UNC13C: variants seen among roughly 807,000 people sequenced by gnomAD.
The protein encoded by UNC13C is protein unc-13 homolog C.
Under a neutral mutation model 245.4 loss-of-function variants are expected in UNC13C, and 174 were observed. That is an observed-to-expected ratio of 0.71 (90% CI 0.63 to 0.80). UNC13C has a LOEUF of 0.80. Among genes scored for constraint, UNC13C ranks in the 30% least tolerant of loss-of-function variants. The pLI is 0.00. For missense variants in UNC13C, 2,829 were observed against 2,602.9 expected, an observed-to-expected ratio of 1.09 and a Z score of -1.89; for synonymous variants, 992 against 895.1, an observed-to-expected ratio of 1.11 and a Z score of -1.93.
At chr15:54,396,563 G>T (rs965554485) in intron 18 of UNC13C, among the ~76,000 whole-genome samples, 1 of 151,402 alleles carries the variant, frequency 6.6e-6, no homozygotes, top group Admixed American at 6.6e-5. Flanking sequence ...AGGTTGCTAT[G>T]AATATTTGTT....
chr15:54,560,723 A>G (rs1376738057), intron 29 of UNC13C, among the ~76,000 whole-genome samples: 3 of 151,978 alleles, frequency 2.0e-5, no homozygotes, highest in Admixed American at 1.3e-4. Context: ...GGGAAATTAT[A>G]CCACTAACAA....
chr15:53,930,721 A>G, the UNC13C span, among the ~76,000 whole-genome samples: 4 of 152,230 alleles, frequency 2.6e-5, no homozygotes, highest in Admixed American at 1.3e-4. Flanking sequence ...ATTATAATAT[A>G]CAAAATTTAA....
chr15:54,151,676 T>A (rs1375765920), intron 4 of UNC13C, among the ~76,000 whole-genome samples: 5 of 152,188 alleles, frequency 3.3e-5, no homozygotes, highest in Non-Finnish European at 7.4e-5. Context: ...AGTGCTGGGA[T>A]GATACGAGTG....
At chr15:54,350,118 A>G (rs1385579575) in intron 17 of UNC13C, among the ~76,000 whole-genome samples, 1 of 152,080 alleles carries the variant, frequency 6.6e-6, no homozygotes, top group African/African-American at 2.4e-5. Context: ...CAGCCTCCCA[A>G]GTAACTGGGA....
chr15:54,229,361 TG>T (rs1275001982), intron 4 of UNC13C, among the ~76,000 whole-genome samples: 1 of 152,214 alleles, frequency 6.6e-6, no homozygotes. Flanking sequence ...AGGTGTTTTT[TG>T]GTGGATGCTT....
chr15:54,191,621 C>T (rs547618512), intron 4 of UNC13C, among the ~76,000 whole-genome samples: 27 of 152,184 alleles, frequency 1.8e-4, no homozygotes, highest in African/African-American at 6.3e-4. Flanking sequence ...TTTGAGGAAT[C>T]GCCATACTGT....
intron 13 of UNC13C, among the ~76,000 whole-genome samples, chr15:54,304,899 T>C (rs2037686865): frequency 6.6e-6 from 1 of 152,044 alleles, no homozygotes; most frequent in African/African-American, 2.4e-5. Context: ...TTTATTGGTA[T>C]TCATTAGTTA....
intron 2 of UNC13C, among the ~76,000 whole-genome samples, chr15:54,038,124 A>ATT (rs58063301): frequency 0.012 from 553 of 45,014 alleles, 36 homozygotes; most frequent in Middle Eastern, 0.05. Flanking sequence ...ATATATATAT[A>ATT]TTTTTTTTTT....
chr15:53,873,619 A>G, the UNC13C span, among the ~76,000 whole-genome samples: 2 of 152,162 alleles, frequency 1.3e-5, no homozygotes, highest in African/African-American at 2.4e-5. Flanking sequence ...GTGGGAGAAG[A>G]TATCAGTTAC....
At chr15:54,417,752 G>T (rs1013640035) in intron 19 of UNC13C, among the ~76,000 whole-genome samples, 1 of 152,032 alleles carries the variant, frequency 6.6e-6, no homozygotes, top group African/African-American at 2.4e-5. Context: ...CACAAGCCTG[G>T]CATATAGTAG....
chr15:54,173,103 G>A (rs542459503), intron 4 of UNC13C, among the ~76,000 whole-genome samples: 1 of 151,874 alleles, frequency 6.6e-6, no homozygotes, highest in African/African-American at 2.4e-5. Flanking sequence ...TGATGATGCT[G>A]ATATCACATA....
chr15:54,023,497 T>A (rs1895984696), intron 2 of UNC13C, among the ~76,000 whole-genome samples: 1 of 152,198 alleles, frequency 6.6e-6, no homozygotes, highest in African/African-American at 2.4e-5. Context: ...GTTTTGTAAG[T>A]CTGGGGAGGT....
At chr15:53,970,786 A>T in the UNC13C span, among the ~76,000 whole-genome samples, 1 of 152,144 alleles carries the variant, frequency 6.6e-6, no homozygotes, top group Non-Finnish European at 1.5e-5. Context: ...GCACATGTTG[A>T]CCTATATAAT....
intron 24 of UNC13C, among the ~76,000 whole-genome samples, chr15:54,515,941 G>C (rs1208374058): frequency 6.6e-6 from 1 of 152,180 alleles, no homozygotes; most frequent in African/African-American, 2.4e-5. Context: ...AGGCAGAATA[G>C]AGCCAAGGAA....
At chr15:54,243,277 T>C (rs2035906448) in intron 7 of UNC13C, among the ~76,000 whole-genome samples, 1 of 152,174 alleles carries the variant, frequency 6.6e-6, no homozygotes, top group Non-Finnish European at 1.5e-5. Flanking sequence ...GGATGGTGGC[T>C]TCCAGCTCCA....
At chr15:53,942,119 G>A in the UNC13C span, among the ~76,000 whole-genome samples, 3 of 152,130 alleles carry the variant, frequency 2.0e-5, no homozygotes, top group Non-Finnish European at 4.4e-5. Flanking sequence ...GTTCATGACA[G>A]CACTATTCAC....
chr15:53,891,254 G>A, the UNC13C span, among the ~76,000 whole-genome samples: 2 of 152,078 alleles, frequency 1.3e-5, no homozygotes, highest in South Asian at 2.1e-4. Flanking sequence ...CCATTGTTTT[G>A]CATTTGCTGA....
At chr15:54,469,014 G>C (rs1892318751) in intron 19 of UNC13C, among the ~76,000 whole-genome samples, 2 of 151,488 alleles carry the variant, frequency 1.3e-5, no homozygotes, top group Non-Finnish European at 3.0e-5. Context: ...TGAATCTATA[G>C]ATTGATTTTA....
chr15:54,132,355 C>T (rs2031485141), intron 2 of UNC13C, among the ~76,000 whole-genome samples: 1 of 152,162 alleles, frequency 6.6e-6, no homozygotes, highest in Non-Finnish European at 1.5e-5. Context: ...CAGGCATGAG[C>T]CACCGTGCCT....
Sources: gnomAD v4.1 joint callset for allele counts (sites outside exome capture counted in the v4.1 genomes callset) on GRCh38, gnomAD v4.1.1 for gene constraint, MANE v1.5 for transcripts, NCBI Gene and HGNC (gene_info 2026-07-23, HGNC 2026-07-21) for gene names.